Variants in ZNF106 observed in about 807,000 individuals in gnomAD.
ZNF106 encodes SH3-domain binding protein 3.
A neutral mutation model predicts 195.1 loss-of-function variants in ZNF106; 67 were observed. The observed-to-expected ratio is 0.34, with a 90% CI of 0.28 to 0.42. The LOEUF (loss-of-function observed/expected upper bound fraction) is 0.42, where lower values mean the gene tolerates loss of function less well. Among genes scored for constraint, ZNF106 ranks in the 10% least tolerant of loss-of-function variants. ZNF106 has a pLI of 1.00. For synonymous variants in ZNF106, 784 were observed against 818.6 expected (o/e 0.96, Z 0.72); for missense variants, 2,118 against 2,304.5 (o/e 0.92, Z 1.66).
At chr15:42,458,972 C>G (rs893121411) in intron 3 of ZNF106, among the ~76,000 whole-genome samples, 1 of 151,906 alleles carries the variant, frequency 6.6e-6, no homozygotes, top group African/African-American at 2.4e-5. Context: ...CTCAGAAAAA[C>G]TGAGAAAATT....
At chr15:42,471,095 T>C (rs192573850) in intron 2 of ZNF106, among the ~76,000 whole-genome samples, 6 of 152,250 alleles carry the variant, frequency 3.9e-5, no homozygotes, top group Non-Finnish European at 5.9e-5. Flanking sequence ...AAAACTGTTT[T>C]AATCAGATGA....
intron 1 of ZNF106, among the ~76,000 whole-genome samples, chr15:42,479,455 C>T (rs1168415251): frequency 6.6e-6 from 1 of 152,180 alleles, no homozygotes; most frequent in Non-Finnish European, 1.5e-5. Context: ...CTGAGAATTA[C>T]AGCCCAGCAT....
chr15:42,426,230 C>T (rs1267669326), intron 15 of ZNF106, among the ~76,000 whole-genome samples: 2 of 152,182 alleles, frequency 1.3e-5, no homozygotes, highest in Admixed American at 6.5e-5. Flanking sequence ...AAGCCCAGCC[C>T]TCATCTTCAA....
At chr15:42,440,523 T>C (rs1457253215) in intron 10 of ZNF106, among the ~76,000 whole-genome samples, 1 of 152,158 alleles carries the variant, frequency 6.6e-6, no homozygotes, top group Non-Finnish European at 1.5e-5. Flanking sequence ...AGTCAGGTTA[T>C]ATATGACTGC....
At position 42,415,628 on chromosome 15, in the gene ZNF106, G is replaced by A. The variant is rs1211313681; in HGVS notation, c.*1676C>T. On this transcript the variant is annotated 3_prime_UTR_variant, in exon 22 of 22. Transcript: ENST00000564754. ...TGGATATATGTGCACTAACAGGGGC[G>A]AAGACAGACCTGGATGGTCTGCAAT... is the stretch of plus-strand genomic sequence containing the variant. 3 of 339,778 alleles carry A rather than the reference G, an allele frequency of 8.8e-6. No homozygotes were observed. Among genetic ancestry groups the A allele is most frequent in the East Asian group, 8.4e-5 (1 of 11,846 alleles). 21.0% of individuals were successfully genotyped at this position (339,778 alleles called of 1,614,324 possible). A position where few individuals can be genotyped will look rare whatever the true frequency, so the allele number is the denominator to read the frequency against.
intron 12 of ZNF106, among the ~76,000 whole-genome samples, chr15:42,437,612 T>C (rs2055331416): frequency 6.6e-6 from 1 of 152,010 alleles, no homozygotes; most frequent in South Asian, 2.1e-4. Flanking sequence ...GATAATTATA[T>C]AATGAGCTTT....
At chr15:42,467,386 T>C (rs2056545188) in intron 2 of ZNF106, among the ~76,000 whole-genome samples, 1 of 152,234 alleles carries the variant, frequency 6.6e-6, no homozygotes, top group Non-Finnish European at 1.5e-5. Context: ...GGGAGTATGA[T>C]TAACTTCATG....
At chr15:42,490,677 T>C (rs1846922967) in intron 1 of ZNF106, among the ~76,000 whole-genome samples, 1 of 152,168 alleles carries the variant, frequency 6.6e-6, no homozygotes, top group African/African-American at 2.4e-5. Flanking sequence ...CCTGCCCAAC[T>C]GGGGACGAAG....
intron 4 of ZNF106, among the ~76,000 whole-genome samples, chr15:42,454,941 A>C (rs2056178621): frequency 6.6e-6 from 1 of 152,150 alleles, no homozygotes; most frequent in Non-Finnish European, 1.5e-5. Flanking sequence ...TAGGTCATCA[A>C]GGAGGCACAT....
intron 14 of ZNF106, among the ~76,000 whole-genome samples, chr15:42,431,227 T>C (rs1037580399): frequency 1.3e-5 from 2 of 152,024 alleles, no homozygotes; most frequent in African/African-American, 2.4e-5. Context: ...TTGTATGATT[T>C]TGGTGCTTTT....
intron 10 of ZNF106, 31 bp from the exon 11 acceptor site, chr15:42,439,844 C>T (rs2055435272): frequency 6.7e-7 from 1 of 1,493,112 alleles, no homozygotes; most frequent in Non-Finnish European, 8.9e-7. Context: ...TTATTGCATC[C>T]TTTTTTGTGT....
intron 16 of ZNF106, chr15:42,424,441 G>T: frequency 3.7e-6 from 1 of 267,428 alleles, no homozygotes; most frequent in Non-Finnish European, 7.1e-6. Context: ...GCTTCTAAAT[G>T]ATGCATGAGA....
At chr15:42,421,878 A>T in intron 19 of ZNF106, 39 bp downstream of exon 19, 2 of 1,487,858 alleles carry the variant, frequency 1.3e-6, no homozygotes, top group South Asian at 1.3e-5. Context: ...TAGCAAACAC[A>T]TTCAAAAGCA....
At chr15:42,453,987 C>T (rs749198858) in intron 4 of ZNF106, among the ~76,000 whole-genome samples, 1 of 152,132 alleles carries the variant, frequency 6.6e-6, no homozygotes, top group Non-Finnish European at 1.5e-5. Context: ...AGATTTAATC[C>T]TTGGCAATCT....
chr15:42,424,093 T>C, intron 16 of ZNF106, 33 bp from the exon 17 acceptor site: 1 of 1,579,248 alleles, frequency 6.3e-7, no homozygotes, highest in Middle Eastern at 1.7e-4. Flanking sequence ...TCAGATTCTG[T>C]ATACGGTTCT....
intron 19 of ZNF106, 49 bp from the exon 20 acceptor site, chr15:42,421,181 C>T (rs2054643660): frequency 6.5e-7 from 1 of 1,541,762 alleles, no homozygotes; most frequent in African/African-American, 1.4e-5. Context: ...ATACAAACTA[C>T]AAAACACCCT....
At position 42,415,578 on chromosome 15, in the gene ZNF106, G is replaced by A. The variant is rs560654446; in HGVS notation, c.*1726C>T. ...ACCCCCTGGTGAAGTCCCCCTGCCC[G>A]ATAGCCTGAGGGAAGACATGTGAGT... On this transcript the variant is annotated 3_prime_UTR_variant, in exon 22 of 22. Coordinates refer to ENST00000564754, the MANE Select transcript of ZNF106 (RefSeq NM_001366845.3). 49 of 434,888 alleles carry A rather than the reference G, an allele frequency of 1.1e-4. No homozygotes were observed. Among genetic ancestry groups the A allele is most frequent in the African/African-American group, 7.3e-4 (36 of 49,318 alleles). The allele number at this position is 434,888 out of a possible 1,614,324, so 26.9% of individuals were successfully genotyped here. A position where few individuals can be genotyped will look rare whatever the true frequency, so the allele number is the denominator to read the frequency against.
chr15:42,462,983 A>G (rs939851999), intron 3 of ZNF106, among the ~76,000 whole-genome samples: 22 of 149,858 alleles, frequency 1.5e-4, no homozygotes, highest in Admixed American at 1.2e-3. Context: ...TTTTTTGTAG[A>G]GACAGGGGTC....
chr15:42,488,546 C>T (rs1240805138), intron 1 of ZNF106, among the ~76,000 whole-genome samples: 2 of 152,054 alleles, frequency 1.3e-5, no homozygotes, highest in African/African-American at 2.4e-5. Flanking sequence ...TGCCCAGGTG[C>T]TCTTATTCAT....
Sources: allele counts gnomAD v4.1 joint callset (sites outside exome capture counted in the v4.1 genomes callset), GRCh38; gene constraint gnomAD v4.1.1; transcripts MANE v1.5; gene names NCBI Gene and HGNC (gene_info 2026-07-23, HGNC 2026-07-21).